The following AKT3 variants were observed in gnomAD, a reference collection of about 807,000 sequenced individuals.
AKT3 encodes AKT serine/threonine kinase 3, also known as RAC-gamma serine/threonine-protein kinase.
A neutral mutation model predicts 65.3 loss-of-function variants in AKT3; 15 were observed. The ratio of observed to expected loss-of-function variants is 0.23; its 90% CI spans 0.15 to 0.35. The LOEUF (loss-of-function observed/expected upper bound fraction) is 0.35, where lower values mean the gene tolerates loss of function less well. AKT3 is among the 10% of genes least tolerant of loss of function. AKT3 has a pLI of 1.00. For missense variants in AKT3, 243 were observed against 576.5 expected (o/e 0.42, Z 5.92); for synonymous variants, 206 against 183.8 (o/e 1.12, Z -0.98).
intron 5 of AKT3, among the ~76,000 whole-genome samples, chr1:243,639,927 C>T (rs1334899079): frequency 6.6e-6 from 1 of 152,108 alleles, no homozygotes; most frequent in African/African-American, 2.4e-5. Flanking sequence ...AATTTTTTGA[C>T]AATACCAAAA....
At chr1:243,517,473 ATTTTG>A (rs1287618378) in intron 12 of AKT3, among the ~76,000 whole-genome samples, 1 of 152,152 alleles carries the variant, frequency 6.6e-6, no homozygotes. Context: ...TGCTTCAAAT[ATTTTG>A]TTTTGTTATT....
chr1:243,514,288 G>A (rs544823313), intron 12 of AKT3, among the ~76,000 whole-genome samples: 1 of 152,232 alleles, frequency 6.6e-6, no homozygotes, highest in African/African-American at 2.4e-5. Context: ...CAAGTTAGGG[G>A]AAACTTGTCC....
At chr1:243,814,968 G>A (rs532505629) in intron 2 of AKT3, among the ~76,000 whole-genome samples, 3 of 152,134 alleles carry the variant, frequency 2.0e-5, no homozygotes, top group Non-Finnish European at 4.4e-5. Flanking sequence ...AGATCTTAAA[G>A]GACTTTAAAG....
intron 2 of AKT3, among the ~76,000 whole-genome samples, chr1:243,763,588 A>G (rs1264109232): frequency 2.0e-5 from 3 of 152,116 alleles, no homozygotes; most frequent in Non-Finnish European, 4.4e-5. Context: ...GTCACAGAGC[A>G]GATGTACACA....
At chr1:243,649,982 T>C (rs1042817183) in intron 4 of AKT3, among the ~76,000 whole-genome samples, 102 of 152,316 alleles carry the variant, frequency 6.7e-4, no homozygotes, top group African/African-American at 2.2e-3. Context: ...CCTTGAGGAA[T>C]GGCCACACTG....
Position 243,850,121 on chromosome 1 carries a change from G to T in AKT3, c.-194C>A. ...ATGGAGCCGGGGGGGGGCGGGGGGAGGAGAGGGGGCGACTCGGGGGTCCCC... is the reference window on the plus strand; with the variant it reads ...ATGGAGCCGGGGGGGGGCGGGGGGATGAGAGGGGGCGACTCGGGGGTCCCC... On this transcript the variant is annotated 5_prime_UTR_variant, in exon 1 of 14. Transcript: ENST00000673466. 6.5e-6 allele frequency: 1 copy of T among 153,272 alleles called. No individual in the cohort carries two copies. The highest frequency in any genetic ancestry group is 1.8e-4 in the South Asian group (1 of 5,482). The allele number at this position is 153,272 out of a possible 1,614,324, so 9.5% of individuals were successfully genotyped here.
chr1:243,649,357 G>GTGTGTGTGTGTGTGTA (rs1405251441), intron 4 of AKT3, among the ~76,000 whole-genome samples: 4 of 147,856 alleles, frequency 2.7e-5, no homozygotes, highest in Admixed American at 6.7e-5. Flanking sequence ...GTGTGTGTGT[G>GTGTGTGTGTGTGTGTA]TATGTTGGGT....
At chr1:243,655,902 G>T (rs976751638) in intron 4 of AKT3, among the ~76,000 whole-genome samples, 1 of 152,024 alleles carries the variant, frequency 6.6e-6, no homozygotes, top group African/African-American at 2.4e-5. Flanking sequence ...TCACTGTCTG[G>T]GTTTCTTTCT....
intron 3 of AKT3, among the ~76,000 whole-genome samples, chr1:243,676,309 T>G (rs1419597990): frequency 3.3e-5 from 5 of 152,122 alleles, no homozygotes; most frequent in Non-Finnish European, 7.4e-5. Context: ...ACAGATGGAT[T>G]TGTGAAACAG....
chr1:243,746,356 G>A (rs1277076619), intron 2 of AKT3, among the ~76,000 whole-genome samples: 1 of 151,980 alleles, frequency 6.6e-6, no homozygotes, highest in Non-Finnish European at 1.5e-5. Context: ...ACATTTCAAT[G>A]AGCTAAACAT....
chr1:243,583,588 A>G (rs1675584630), intron 8 of AKT3, among the ~76,000 whole-genome samples: 1 of 149,998 alleles, frequency 6.7e-6, no homozygotes, highest in African/African-American at 2.4e-5. Context: ...AAGAAAAACA[A>G]ACAAAAAAAC....
chr1:243,533,427 A>T (rs1255284975), intron 12 of AKT3, among the ~76,000 whole-genome samples: 1 of 152,230 alleles, frequency 6.6e-6, no homozygotes, highest in Non-Finnish European at 1.5e-5. Flanking sequence ...ACATTTATAG[A>T]ATATTCTACA....
chr1:243,550,536 T>G (rs768231453), intron 11 of AKT3, among the ~76,000 whole-genome samples: 1 of 151,860 alleles, frequency 6.6e-6, no homozygotes, highest in African/African-American at 2.4e-5. Flanking sequence ...TAGCCACTTA[T>G]ATAAAGAGGG....
At chr1:243,802,291 C>A (rs9428977) in intron 2 of AKT3, among the ~76,000 whole-genome samples, 7,595 of 152,164 alleles carry the variant, frequency 0.05, 646 homozygotes, top group African/African-American at 0.17. Context: ...TTCCATATGA[C>A]CCCTCTACGC....
chr1:243,671,102 G>A (rs1361078267), intron 3 of AKT3, among the ~76,000 whole-genome samples: 10 of 144,292 alleles, frequency 6.9e-5, no homozygotes, highest in East Asian at 2.0e-4. Context: ...TTTTTGAGAC[G>A]GAGTCTCGCT....
intron 4 of AKT3, among the ~76,000 whole-genome samples, chr1:243,657,095 A>G (rs1452403300): frequency 1.3e-5 from 2 of 152,192 alleles, no homozygotes; most frequent in Non-Finnish European, 2.9e-5. Flanking sequence ...CCCAAAGGTG[A>G]TGGTATTAGG....
chr1:243,704,144 T>A (rs1685644607), intron 2 of AKT3, among the ~76,000 whole-genome samples: 1 of 152,198 alleles, frequency 6.6e-6, no homozygotes, highest in African/African-American at 2.4e-5. Context: ...TATGAACTCC[T>A]GCCCAGCTCA....
At chr1:243,849,189 G>A (rs897048427) in intron 1 of AKT3, among the ~76,000 whole-genome samples, 3 of 152,216 alleles carry the variant, frequency 2.0e-5, no homozygotes, top group African/African-American at 7.2e-5. Context: ...TGCGCCGGAG[G>A]AGGTGGACAA....
chr1:243,790,761 T>C (rs955608885), intron 2 of AKT3, among the ~76,000 whole-genome samples: 9 of 152,184 alleles, frequency 5.9e-5, no homozygotes, highest in Admixed American at 3.9e-4. Context: ...CACTTGAACA[T>C]GTAGAGGCCA....
Sources: gnomAD v4.1 joint callset for allele counts (sites outside exome capture counted in the v4.1 genomes callset) on GRCh38, gnomAD v4.1.1 for gene constraint, MANE v1.5 for transcripts, NCBI Gene and HGNC (gene_info 2026-07-23, HGNC 2026-07-21) for gene names.